Variants in SHISA9 observed in about 807,000 individuals in gnomAD.
The protein encoded by SHISA9 is protein shisa-9.
SHISA9 carries 13 observed loss-of-function variants against 38.0 expected under a neutral mutation model. The ratio of observed to expected loss-of-function variants is 0.34; its 90% CI spans 0.22 to 0.54. The LOEUF (loss-of-function observed/expected upper bound fraction) is 0.54, where lower values mean the gene tolerates loss of function less well. SHISA9 is among the 20% of genes least tolerant of loss of function. SHISA9 has a pLI of 0.91. For missense variants in SHISA9, 538 were observed against 575.8 expected (o/e 0.93, Z 0.67); for synonymous variants, 275 against 242.0 (o/e 1.14, Z -1.27).
At chr16:13,429,784 G>A in the SHISA9 span, among the ~76,000 whole-genome samples, 1,578 of 152,288 alleles carry the variant, frequency 0.01, 28 homozygotes, top group African/African-American at 0.036. Flanking sequence ...AATTAAGACA[G>A]TTTGCAGATG....
the SHISA9 span, among the ~76,000 whole-genome samples, chr16:13,334,497 G>T: frequency 6.6e-6 from 1 of 152,178 alleles, no homozygotes; most frequent in Non-Finnish European, 1.5e-5. Flanking sequence ...AACTAAGGCC[G>T]GGTGTGTTGG....
chr16:13,561,237 A>G, the SHISA9 span, among the ~76,000 whole-genome samples: 1 of 152,294 alleles, frequency 6.6e-6, no homozygotes, highest in Non-Finnish European at 1.5e-5. Context: ...TTTGGCAGTT[A>G]TTAGTCCCAG....
chr16:12,937,296 T>C (rs748756282), intron 2 of SHISA9, among the ~76,000 whole-genome samples: 4 of 152,180 alleles, frequency 2.6e-5, no homozygotes, highest in Admixed American at 2.0e-4. Context: ...AGTAAAGCAA[T>C]ATTCAAGGAC....
intron 2 of SHISA9, among the ~76,000 whole-genome samples, chr16:13,043,819 C>T (rs1376023650): frequency 2.6e-5 from 4 of 152,244 alleles, no homozygotes; most frequent in Non-Finnish European, 5.9e-5. Context: ...AAATTCCTCT[C>T]TCCTGGATAT....
At chr16:13,336,576 A>C in the SHISA9 span, among the ~76,000 whole-genome samples, 1 of 152,194 alleles carries the variant, frequency 6.6e-6, no homozygotes, top group Non-Finnish European at 1.5e-5. Flanking sequence ...TCTCCTTCTC[A>C]AGAAGATAAG....
chr16:13,078,425 A>G (rs1256203890), intron 2 of SHISA9, among the ~76,000 whole-genome samples: 1 of 147,822 alleles, frequency 6.8e-6, no homozygotes, highest in Non-Finnish European at 1.5e-5. Flanking sequence ...TTTTTTTTTA[A>G]GACAGGGTCT....
At chr16:13,290,411 T>A in the SHISA9 span, among the ~76,000 whole-genome samples, 2 of 151,612 alleles carry the variant, frequency 1.3e-5, no homozygotes, top group Admixed American at 1.3e-4. Flanking sequence ...ACACCGAGAA[T>A]GAGATGGCAC....
chr16:13,555,070 A>G, the SHISA9 span, among the ~76,000 whole-genome samples: 3 of 152,240 alleles, frequency 2.0e-5, no homozygotes, highest in Non-Finnish European at 2.9e-5. Flanking sequence ...TTTCTGGTAT[A>G]TAATTAGTAT....
At chr16:13,416,808 GGAAGGGAAGGAAT>G in the SHISA9 span, among the ~76,000 whole-genome samples, 1 of 147,844 alleles carries the variant, frequency 6.8e-6, no homozygotes, top group African/African-American at 2.5e-5. Context: ...AAGGAAGGAA[GGAAGGGAAGGAAT>G]GAAGGAAGGA....
chr16:13,336,361 T>C, the SHISA9 span, among the ~76,000 whole-genome samples: 11 of 152,232 alleles, frequency 7.2e-5, no homozygotes, highest in African/African-American at 2.4e-4. Context: ...ATTAGGTTCC[T>C]ATTATGGATC....
intron 2 of SHISA9, among the ~76,000 whole-genome samples, chr16:13,053,162 C>T (rs145491910): frequency 3.1e-4 from 47 of 152,018 alleles, no homozygotes; most frequent in African/African-American, 1.1e-3. Flanking sequence ...GGGGTTTCGC[C>T]ATGTTGGCCA....
chr16:13,076,887 T>A (rs997496793), intron 2 of SHISA9, among the ~76,000 whole-genome samples: 1 of 152,208 alleles, frequency 6.6e-6, no homozygotes, highest in Non-Finnish European at 1.5e-5. Context: ...AGTAAATATT[T>A]GTTGAATTAA....
the SHISA9 span, among the ~76,000 whole-genome samples, chr16:13,322,669 C>T: frequency 6.6e-6 from 1 of 152,196 alleles, no homozygotes; most frequent in South Asian, 2.1e-4. Context: ...AGATGCGCTT[C>T]CCTCACCCAC....
Position 13,237,236 on chromosome 16 carries a change from C to T in SHISA9, c.*1827C>T, listed in dbSNP as rs928608867. ...ATCAGCAAAACCAGATATTTATTCT[C>T]CTCACTCCCAGCAGATACGAGGACA... On this transcript the variant is annotated 3_prime_UTR_variant, in exon 5 of 5. Coordinates refer to ENST00000558583, the MANE Select transcript of SHISA9 (RefSeq NM_001145204.3). 3 of 152,226 alleles carry T rather than the reference C, an allele frequency of 2.0e-5. No individual in the cohort carries two copies. The highest frequency in any genetic ancestry group is 4.4e-5 in the Non-Finnish European group (3 of 68,048). The allele number at this position is 152,226 out of a possible 1,614,324, so 9.4% of individuals were successfully genotyped here. A position where few individuals can be genotyped will look rare whatever the true frequency, so the allele number is the denominator to read the frequency against.
the SHISA9 span, among the ~76,000 whole-genome samples, chr16:13,389,493 A>G: frequency 1.3e-5 from 2 of 152,246 alleles, no homozygotes; most frequent in African/African-American, 2.4e-5. Context: ...TATGCTGTAC[A>G]TCTTAAATAT....
intron 2 of SHISA9, among the ~76,000 whole-genome samples, chr16:12,987,191 G>C (rs1429479016): frequency 6.6e-6 from 1 of 152,142 alleles, no homozygotes; most frequent in Non-Finnish European, 1.5e-5. Context: ...TTGTGCCTCT[G>C]TCCGTAGATC....
the SHISA9 span, chr16:13,562,692 A>G: frequency 6.6e-6 from 1 of 151,526 alleles, no homozygotes; most frequent in Non-Finnish European, 1.5e-5. Flanking sequence ...TACGTGTCTT[A>G]CCTTTTTTAT....
At chr16:12,912,130 C>T (rs898157018) in intron 1 of SHISA9, among the ~76,000 whole-genome samples, 1 of 150,890 alleles carries the variant, frequency 6.6e-6, no homozygotes, top group Non-Finnish European at 1.5e-5. Flanking sequence ...TAAGACCATA[C>T]AAAAAAGTTC....
the SHISA9 span, among the ~76,000 whole-genome samples, chr16:13,478,710 T>G: frequency 6.6e-6 from 1 of 152,238 alleles, no homozygotes. Context: ...GGATTTCATC[T>G]TCTTACATGA....
Sources: gnomAD v4.1 joint callset for allele counts (sites outside exome capture counted in the v4.1 genomes callset) on GRCh38, gnomAD v4.1.1 for gene constraint, MANE v1.5 for transcripts, NCBI Gene and HGNC (gene_info 2026-07-23, HGNC 2026-07-21) for gene names.